BCL2L1: variants seen among roughly 807,000 people sequenced by gnomAD.
The protein encoded by BCL2L1 is bcl-2-like protein 1.
Under a neutral mutation model 18.7 loss-of-function variants are expected in BCL2L1, and 1 was observed. That is an observed-to-expected ratio of 0.05 (90% confidence interval 0.02 to 0.25). The LOEUF is 0.25. BCL2L1 is among the 10% of genes least tolerant of loss of function. The pLI is 1.00. For missense variants in BCL2L1, 207 were observed against 304.9 expected, an observed-to-expected ratio of 0.68 and a Z score of 2.39; for synonymous variants, 103 against 122.7, an observed-to-expected ratio of 0.84 and a Z score of 1.06.
chr20:31,713,186 G>A, intron 2 of BCL2L1: 1 of 875,304 alleles, frequency 1.1e-6, no homozygotes, highest in South Asian at 5.3e-5. Context: ...GAGCCAAGGA[G>A]AGAACCCAGG....
intron 2 of BCL2L1, among the ~76,000 whole-genome samples, chr20:31,703,257 T>G (rs1237863124): frequency 6.6e-6 from 1 of 152,018 alleles, no homozygotes; most frequent in Admixed American, 6.6e-5. Flanking sequence ...TTGGTCAGGC[T>G]GGTCTCGAAC....
intron 2 of BCL2L1, among the ~76,000 whole-genome samples, chr20:31,714,838 C>T (rs2061503789): frequency 2.0e-5 from 3 of 152,110 alleles, no homozygotes. Flanking sequence ...GATGGCTGGA[C>T]CCATCAATAT....
chr20:31,664,964 A>G lies in BCL2L1; in HGVS notation c.*985T>C. ...CTTCTAGTCAGCCCTACCCCACCCCATGCAGCAGGCTCTCCTTCCTGCCCT... is the reference window on the plus strand; with the variant it reads ...CTTCTAGTCAGCCCTACCCCACCCCGTGCAGCAGGCTCTCCTTCCTGCCCT... On this transcript the variant is annotated 3_prime_UTR_variant, in exon 3 of 3. Transcript: ENST00000307677. The G allele has an allele frequency of 4.9e-6, 1 of 202,228 alleles. No homozygotes were observed. The highest frequency in any genetic ancestry group is 6.0e-5 in the Admixed American group (1 of 16,710). The allele number at this position is 202,228 out of a possible 1,614,324, so 12.5% of individuals were successfully genotyped here.
At chr20:31,676,073 A>T (rs552707267) in intron 2 of BCL2L1, among the ~76,000 whole-genome samples, 1 of 152,266 alleles carries the variant, frequency 6.6e-6, no homozygotes, top group Admixed American at 6.5e-5. Flanking sequence ...TAGCAGTGCG[A>T]GTGTGGGCTC....
intron 2 of BCL2L1, among the ~76,000 whole-genome samples, chr20:31,684,952 A>C (rs994029091): frequency 1.3e-5 from 2 of 152,220 alleles, no homozygotes; most frequent in Non-Finnish European, 2.9e-5. Flanking sequence ...GGGCAAGACA[A>C]GTGATAAGCT....
intron 2 of BCL2L1, among the ~76,000 whole-genome samples, chr20:31,707,671 G>A (rs142532478): frequency 0.03 from 4,594 of 151,830 alleles, 195 homozygotes; most frequent in African/African-American, 0.092. Context: ...CCAGCTACTC[G>A]GGAGGCTGAG....
intron 2 of BCL2L1, among the ~76,000 whole-genome samples, chr20:31,682,548 CA>C: frequency 6.6e-6 from 1 of 152,304 alleles, no homozygotes; most frequent in Middle Eastern, 3.4e-3. Flanking sequence ...CAGGCTCAAG[CA>C]ATCCTCCTGC....
intron 2 of BCL2L1, among the ~76,000 whole-genome samples, chr20:31,669,458 C>CTT (rs368877244): frequency 3.7e-4 from 53 of 141,504 alleles, no homozygotes; most frequent in Admixed American, 1.4e-3. Flanking sequence ...CTAGATGTGT[C>CTT]TTTTTTTTTT....
intron 2 of BCL2L1, among the ~76,000 whole-genome samples, chr20:31,675,083 A>G (rs965518761): frequency 6.6e-6 from 1 of 152,132 alleles, no homozygotes; most frequent in African/African-American, 2.4e-5. Flanking sequence ...CAGGAGGGAA[A>G]GTGAAACCCT....
chr20:31,720,471 A>C, intron 2 of BCL2L1: 1 of 921,404 alleles, frequency 1.1e-6, no homozygotes, highest in Non-Finnish European at 1.3e-6. Flanking sequence ...AGGTAGGGAG[A>C]TAAGCAAGAA....
upstream of BCL2L1, chr20:31,723,932 C>CT (rs2061675533): frequency 2.0e-6 from 2 of 985,460 alleles, no homozygotes; most frequent in Non-Finnish European, 2.4e-6. Flanking sequence ...GACAGGGGAA[C>CT]TTGCAAGCTC....
At chr20:31,712,806 T>TA (rs2122788568) in intron 2 of BCL2L1, among the ~76,000 whole-genome samples, 1 of 152,054 alleles carries the variant, frequency 6.6e-6, no homozygotes, top group African/African-American at 2.4e-5. Flanking sequence ...GGGAGGGGAA[T>TA]GTTTCCCTTT....
At chr20:31,718,528 G>A (rs1340345150) in intron 2 of BCL2L1, among the ~76,000 whole-genome samples, 4 of 152,062 alleles carry the variant, frequency 2.6e-5, no homozygotes. Context: ...GGTGGCGCAT[G>A]CCTGTAATCC....
intron 2 of BCL2L1, among the ~76,000 whole-genome samples, chr20:31,683,795 AAAAAAAAAAAAAG>A (rs1210134063): frequency 1.3e-5 from 1 of 77,482 alleles, no homozygotes; most frequent in African/African-American, 1.0e-4. Context: ...AAAAAAAAAA[AAAAAAAAAAAAAG>A]AATGTGAACT....
chr20:31,706,369 T>G (rs2061368509), intron 2 of BCL2L1, among the ~76,000 whole-genome samples: 1 of 152,164 alleles, frequency 6.6e-6, no homozygotes, highest in African/African-American at 2.4e-5. Flanking sequence ...ACCTCAAGCC[T>G]CATAGAGAAA....
intron 2 of BCL2L1, among the ~76,000 whole-genome samples, chr20:31,672,159 GAGGTGAC>G (rs1343629080): frequency 6.6e-6 from 1 of 151,724 alleles, no homozygotes; most frequent in Non-Finnish European, 1.5e-5. Flanking sequence ...AAGTCCTGGG[GAGGTGAC>G]AGAGAATATC....
chr20:31,679,550 C>T (rs943199456), intron 2 of BCL2L1, among the ~76,000 whole-genome samples: 18 of 152,160 alleles, frequency 1.2e-4, no homozygotes, highest in African/African-American at 4.1e-4. Flanking sequence ...CCTGGTGTTC[C>T]GGCTGCAAAA....
chr20:31,699,503 G>A (rs928278694), intron 2 of BCL2L1, among the ~76,000 whole-genome samples: 8 of 152,252 alleles, frequency 5.3e-5, no homozygotes, highest in African/African-American at 1.7e-4. Flanking sequence ...TCCTGAAGAT[G>A]AGGAGAAAGA....
At chr20:31,696,808 C>T (rs2061177818) in intron 2 of BCL2L1, among the ~76,000 whole-genome samples, 1 of 152,088 alleles carries the variant, frequency 6.6e-6, no homozygotes, top group South Asian at 2.1e-4. Flanking sequence ...GTAATCCTAG[C>T]ACTTTGGGAA....
Sources: allele counts gnomAD v4.1 joint callset (sites outside exome capture counted in the v4.1 genomes callset), GRCh38; gene constraint gnomAD v4.1.1; transcripts MANE v1.5; gene names NCBI Gene and HGNC (gene_info 2026-07-23, HGNC 2026-07-21).